CASP8: variants seen among roughly 807,000 people sequenced by gnomAD.
The protein encoded by CASP8 is caspase-8.
In CASP8, 24 loss-of-function variants were observed where a neutral mutation model predicts 46.3. The observed-to-expected ratio is 0.52, with a 90% confidence interval of 0.38 to 0.73. The LOEUF is 0.73. CASP8 is among the 30% of genes least tolerant of loss of function. The pLI is 0.00. For synonymous variants in CASP8, 188 were observed against 200.4 expected, an observed-to-expected ratio of 0.94 and a Z score of 0.52; for missense variants, 460 against 559.0, an observed-to-expected ratio of 0.82 and a Z score of 1.79.
At chr2:201,251,439 A>G (rs1295019888) in intron 2 of CASP8, among the ~76,000 whole-genome samples, 1 of 152,026 alleles carries the variant, frequency 6.6e-6, no homozygotes, top group African/African-American at 2.4e-5. Flanking sequence ...TAAAAAAAAT[A>G]CAAAAATTAG....
Position 201,272,525 on chromosome 2 carries a change from G to T in CASP8, c.412-113G>T, listed in dbSNP as rs1948334744. On this transcript the variant is annotated intron_variant, in intron 3 of 8. Transcript: ENST00000673742. The surrounding 1 kb of genome is among the most constrained non-coding windows in gnomAD (Gnocchi z 4.4). ...GACCAGCAGAAACTGTCAGAAACTT[G>T]GGAAGCAAGGGCAGGTCCTTGGTTG... 1.7e-6 allele frequency: 2 copies of T among 1,179,604 alleles called. No individual in the cohort carries two copies. Among genetic ancestry groups the T allele is most frequent in the African/African-American group, 1.5e-5 (1 of 65,716 alleles). The allele number at this position is 1,179,604 out of a possible 1,614,324, so 73.1% of individuals were successfully genotyped here. A position where few individuals can be genotyped will look rare whatever the true frequency, so the allele number is the denominator to read the frequency against.
rs2125512559 is a variant in CASP8 at position 201,286,574 on chromosome 2, C to T, written c.1420C>T (p.Leu474Phe). The T allele has an allele frequency of 6.2e-7, 1 of 1,613,914 alleles. No homozygotes were observed. The highest frequency in any genetic ancestry group is 8.5e-7 in the Non-Finnish European group (1 of 1,179,850). Residue 474 changes from leucine (L) to phenylalanine (F), a missense_variant, in exon 9 of 9, where the codon CTT becomes TTT. Transcript: ENST00000673742. Reference sequence around the variant, plus strand: ...GCCTACTTTCACACTAAGAAAAAAACTTGTCTTCCCTTCTGATTGATGGTG... The same window carrying T: ...GCCTACTTTCACACTAAGAAAAAAATTTGTCTTCCCTTCTGATTGATGGTG... ...PQPTFTLRKK[L>F]VFPSD
chr2:201,250,515 C>A (rs1946730951), intron 2 of CASP8, among the ~76,000 whole-genome samples: 1 of 152,158 alleles, frequency 6.6e-6, no homozygotes, highest in Non-Finnish European at 1.5e-5. Flanking sequence ...GTGGCTAGAG[C>A]AGGGGAAGCA....
At chr2:201,235,040 T>G (rs1171787042) in intron 2 of CASP8, among the ~76,000 whole-genome samples, 1 of 152,178 alleles carries the variant, frequency 6.6e-6, no homozygotes, top group African/African-American at 2.4e-5. Context: ...TAGGTCAAGA[T>G]TTTATGTTAT....
Position 201,272,445 on chromosome 2 carries a change from C to A in CASP8, c.412-193C>A, listed in dbSNP as rs1948329182. ...TTCTCCTTTATCCTCTCACTTCTGT[C>A]TTTCTGGGCCAGAAAACATGGAATC... On this transcript the variant is annotated intron_variant, in intron 3 of 8. Transcript: ENST00000673742. This position sits in a 1 kb window ranked among gnomAD's most constrained non-coding sequence, Gnocchi z 4.4. 6.6e-6 allele frequency among the ~76,000 whole-genome samples: 1 copy of A among 152,096 alleles called. No individual in the cohort carries two copies. The highest frequency in any genetic ancestry group is 6.5e-5 in the Admixed American group (1 of 15,270).
At chr2:201,239,245 C>T (rs2124883855) in intron 2 of CASP8, among the ~76,000 whole-genome samples, 1 of 152,326 alleles carries the variant, frequency 6.6e-6, no homozygotes, top group South Asian at 2.1e-4. Flanking sequence ...CACAAAACCG[C>T]CATTGTCATC....
At chr2:201,273,458 C>CT (rs1029008953) in intron 5 of CASP8, among the ~76,000 whole-genome samples, 6 of 151,486 alleles carry the variant, frequency 4.0e-5, no homozygotes, top group Admixed American at 6.6e-5. Context: ...TTCTATGTGG[C>CT]TTTTTTTTTC....
chr2:201,280,906 G>A (rs1019110682), intron 7 of CASP8, among the ~76,000 whole-genome samples: 2 of 152,130 alleles, frequency 1.3e-5, no homozygotes, highest in African/African-American at 4.8e-5. Context: ...AAGCATATAG[G>A]AAACAAAGCA....
intron 2 of CASP8, among the ~76,000 whole-genome samples, chr2:201,269,251 TC>T: frequency 6.6e-6 from 1 of 152,240 alleles, no homozygotes; most frequent in African/African-American, 2.4e-5. Flanking sequence ...CATGACCTCA[TC>T]TTAATGAGAT....
intron 7 of CASP8, chr2:201,277,954 G>T (rs1373027904): frequency 4.9e-6 from 1 of 203,298 alleles, no homozygotes; most frequent in Admixed American, 5.6e-5. Context: ...GCCTGCCTCG[G>T]CCTCCCAAAG....
Position 201,267,829 on chromosome 2 carries a change from C to T in CASP8, c.305+1038C>T, listed in dbSNP as rs149388476. Among the ~76,000 whole-genome samples the T allele has an allele frequency of 1.6e-4, 25 of 152,380 alleles. No individual in the cohort carries two copies. In the East Asian group the frequency reaches 4.6e-3, roughly 28 times the overall value. ...AGATGGAAAGGGTTCACAACCAGGG[C>T]TGACAGCTGCTGTCCTCTGATGGCT... On this transcript the variant is annotated intron_variant, in intron 2 of 8. Coordinates refer to ENST00000673742, the MANE Select transcript of CASP8 (RefSeq NM_001372051.1).
At chr2:201,244,084 T>C (rs1946410486) in intron 2 of CASP8, among the ~76,000 whole-genome samples, 1 of 152,162 alleles carries the variant, frequency 6.6e-6, no homozygotes, top group African/African-American at 2.4e-5. Flanking sequence ...TGGACCTGAA[T>C]GGGTTGGATT....
chr2:201,258,740 C>T (rs995748223), upstream of CASP8, among the ~76,000 whole-genome samples: 17 of 109,012 alleles, frequency 1.6e-4, no homozygotes, highest in Non-Finnish European at 2.9e-4. Context: ...GCCCTGGGGC[C>T]GACGGTTAAG....
chr2:201,286,986 G>T lies in CASP8; in HGVS notation c.*392G>T. On this transcript the variant is annotated 3_prime_UTR_variant, in exon 9 of 9. Coordinates refer to ENST00000673742, the MANE Select transcript of CASP8 (RefSeq NM_001372051.1). ...TTCTAGATTTTCTACTTTATTAATT[G>T]TTTTGCACTTTTTTATAAGAGCTAA... 1 of 223,880 alleles carries T rather than the reference G, an allele frequency of 4.5e-6. No individual in the cohort carries two copies. Among genetic ancestry groups the T allele is most frequent in the South Asian group, 6.1e-5 (1 of 16,432 alleles). 13.9% of individuals were successfully genotyped at this position (223,880 alleles called of 1,614,324 possible). A position where few individuals can be genotyped will look rare whatever the true frequency, so the allele number is the denominator to read the frequency against.
Position 201,252,490 on chromosome 2 carries a change from G to C in CASP8, c.-26-13971G>C, listed in dbSNP as rs548048464. 2.0e-5 allele frequency among the ~76,000 whole-genome samples: 3 copies of C among 152,144 alleles called. No individual in the cohort carries two copies. In the South Asian group the frequency reaches 6.2e-4, roughly 32 times the overall value. ...GGGCTTTCACCATGTTGGCCAGGAT[G>C]GTCTGGATCACTTGACCTCGTGATC... On this transcript the variant is annotated intron_variant, in intron 2 of 6. Coordinates refer to the CASP8 transcript ENST00000264274.
chr2:201,266,880 G>A lies in CASP8; in HGVS notation c.305+89G>A. 1 of 915,682 alleles carries A rather than the reference G, an allele frequency of 1.1e-6. No individual in the cohort carries two copies. Among genetic ancestry groups the A allele is most frequent in the Non-Finnish European group, 1.6e-6 (1 of 608,418 alleles). 56.7% of individuals were successfully genotyped at this position (915,682 alleles called of 1,614,324 possible). A position where few individuals can be genotyped will look rare whatever the true frequency, so the allele number is the denominator to read the frequency against. ...TTGGGGCTTTTTTTTGTGGTACCCTGCCTAGTGCCTGGGAACCCAGCAGTG... is the reference window on the plus strand; with the variant it reads ...TTGGGGCTTTTTTTTGTGGTACCCTACCTAGTGCCTGGGAACCCAGCAGTG... On this transcript the variant is annotated intron_variant, in intron 2 of 8. Transcript: ENST00000673742. The surrounding 1 kb of genome is among the most constrained non-coding windows in gnomAD (Gnocchi z 5.7).
intron 2 of CASP8, among the ~76,000 whole-genome samples, chr2:201,237,493 ACATC>A (rs1946108349): frequency 6.6e-6 from 1 of 152,070 alleles, no homozygotes; most frequent in Non-Finnish European, 1.5e-5. Flanking sequence ...AGAAAAGAAA[ACATC>A]CAGCAAGGTC....
At chr2:201,246,722 C>G (rs1386320036) in intron 2 of CASP8, among the ~76,000 whole-genome samples, 1 of 152,158 alleles carries the variant, frequency 6.6e-6, no homozygotes, top group African/African-American at 2.4e-5. Context: ...CTGCTCAGAT[C>G]CCAACCCTCC....
rs1948241227 is a variant in CASP8, at chr2:201,271,482, A to C, written c.306-34A>C. 1.0e-5 allele frequency: 13 copies of C among 1,293,090 alleles called. No homozygotes were observed. In the East Asian group the frequency reaches 2.8e-4, roughly 27 times the overall value. The allele number at this position is 1,293,090 out of a possible 1,614,324, so 80.1% of individuals were successfully genotyped here. On this transcript the variant is annotated intron_variant, in intron 2 of 8. Transcript: ENST00000673742. ...TATCAAATGGGAAATTATTTGGGAA[A>C]AGATTTCTAAAGTGTCTCCATTTCC...
Sources: allele counts gnomAD v4.1 joint callset (sites outside exome capture counted in the v4.1 genomes callset), GRCh38; gene constraint gnomAD v4.1.1; non-coding constraint Gnocchi (gnomAD v3.1); transcripts MANE v1.5; gene names NCBI Gene and HGNC (gene_info 2026-07-23, HGNC 2026-07-21).